Variants in AFF2 observed in about 807,000 individuals in gnomAD.
AFF2 encodes the protein AF4/FMR2 family member 2.
A neutral mutation model predicts 76.9 loss-of-function variants in AFF2; 14 were observed. The ratio of observed to expected loss-of-function variants is 0.18; its 90% confidence interval spans 0.12 to 0.28. AFF2 has a LOEUF of 0.28. AFF2 is among the 10% of genes least tolerant of loss of function. The pLI is 1.00. For missense variants in AFF2, 868 were observed against 1,001.1 expected (o/e 0.87, Z 1.79); for synonymous variants, 398 against 366.7 (o/e 1.09, Z -0.98).
chrX:148,951,412 C>A (rs1287785588), intron 9 of AFF2, among the ~76,000 whole-genome samples: 3 of 111,572 alleles, frequency 2.7e-5, no homozygotes, highest in Non-Finnish European at 5.7e-5. Flanking sequence ...AACCTAGAGT[C>A]TATTTTAGCT....
At chrX:148,626,836 T>C (rs1333282003) in intron 1 of AFF2, among the ~76,000 whole-genome samples, 1 of 111,624 alleles carries the variant, frequency 9.0e-6, no homozygotes, top group Non-Finnish European at 1.9e-5. Flanking sequence ...CTTAATTTAA[T>C]GCGGTGCTAA....
chrX:148,513,896 G>C (rs1052601198), intron 1 of AFF2, among the ~76,000 whole-genome samples: 41 of 110,819 alleles, frequency 3.7e-4, no homozygotes, highest in African/African-American at 1.2e-3. Context: ...TAAATGATAC[G>C]CGAGTCAGGA....
intron 1 of AFF2, among the ~76,000 whole-genome samples, chrX:148,581,370 G>A (rs1557244843): frequency 2.0e-5 from 2 of 100,640 alleles, no homozygotes; most frequent in African/African-American, 7.3e-5. Flanking sequence ...ATACGTATAC[G>A]TGTACACACA....
intron 1 of AFF2, among the ~76,000 whole-genome samples, chrX:148,523,960 C>T (rs781835125): frequency 9.0e-6 from 1 of 111,390 alleles, no homozygotes; most frequent in Admixed American, 9.5e-5. Flanking sequence ...CAAAGTGGCT[C>T]TTAGATGTCG....
rs953067912 is a variant in AFF2, at chrX:148,969,340, G to A, written c.3267+1648G>A. 2.7e-5 allele frequency among the ~76,000 whole-genome samples: 3 copies of A among 112,462 alleles called. No individual in the cohort carries two copies. In the South Asian group the frequency reaches 1.1e-3, roughly 42 times the overall value. On this transcript the variant is annotated intron_variant, in intron 15 of 20. Coordinates refer to ENST00000370460, the MANE Select transcript of AFF2 (RefSeq NM_002025.4). ...GGTGTGACCCTCCAAAGGGCCACAG[G>A]GCATAAAGAGAGAATAAGTATATTT...
chrX:148,688,569 T>C (rs151114963), intron 3 of AFF2, among the ~76,000 whole-genome samples: 1,184 of 111,402 alleles, frequency 0.011, 1 homozygote, highest in Non-Finnish European at 0.018. Context: ...GTGAAATTAA[T>C]TTATCATTGT....
intron 3 of AFF2, among the ~76,000 whole-genome samples, chrX:148,722,792 A>G (rs980974542): frequency 2.7e-5 from 3 of 111,086 alleles, no homozygotes; most frequent in African/African-American, 9.8e-5. Context: ...ATGAACTACC[A>G]CTGTAGCATC....
chrX:148,769,711 A>G (rs1603297763), intron 3 of AFF2, among the ~76,000 whole-genome samples: 2 of 110,902 alleles, frequency 1.8e-5, no homozygotes, highest in Middle Eastern at 9.3e-3. Context: ...GTAGTATGGA[A>G]AATGATGCTT....
intron 3 of AFF2, among the ~76,000 whole-genome samples, chrX:148,787,272 C>A (rs1485178247): frequency 1.8e-5 from 2 of 111,309 alleles, no homozygotes; most frequent in African/African-American, 3.3e-5. Context: ...AGCCAGCCAA[C>A]TTTATGAACC....
chrX:148,577,353 T>C (rs1440615655), intron 1 of AFF2, among the ~76,000 whole-genome samples: 3 of 112,331 alleles, frequency 2.7e-5, no homozygotes, highest in African/African-American at 9.7e-5. Context: ...TATCATCCAG[T>C]CTTCAGTAAT....
chrX:148,703,034 TTTATC>T (rs782582270), intron 3 of AFF2, among the ~76,000 whole-genome samples: 175 of 111,955 alleles, frequency 1.6e-3, no homozygotes, highest in Non-Finnish European at 2.8e-3. Flanking sequence ...ATTCAGTTGT[TTTATC>T]TTATAGTAAA....
chrX:148,899,286 C>A (rs782097707), intron 8 of AFF2, among the ~76,000 whole-genome samples: 34 of 111,967 alleles, frequency 3.0e-4, no homozygotes, highest in African/African-American at 1.0e-3. Flanking sequence ...TATATTTAAG[C>A]AAGTGCTGTC....
intron 3 of AFF2, among the ~76,000 whole-genome samples, chrX:148,693,374 G>A (rs781932295): frequency 3.6e-5 from 4 of 111,981 alleles, no homozygotes; most frequent in Admixed American, 9.4e-5. Flanking sequence ...TCTCCCAGAA[G>A]ATGAAAGAAT....
chrX:148,520,854 C>A (rs1469532883), intron 1 of AFF2, among the ~76,000 whole-genome samples: 3 of 112,283 alleles, frequency 2.7e-5, no homozygotes, highest in Non-Finnish European at 5.6e-5. Flanking sequence ...CAATCTCTTT[C>A]ATTGTGGCTG....
rs200549642 is a variant in AFF2, at chrX:148,581,069, A to G, written c.48-70930A>G. 5.1e-3 allele frequency among the ~76,000 whole-genome samples: 174 copies of G among 34,433 alleles called. 1 individual carries two copies. In the East Asian group the frequency reaches 0.067, roughly 13 times the overall value. 29.9% of individuals were successfully genotyped at this position (34,433 alleles called of 115,157 possible). On this transcript the variant is annotated intron_variant, in intron 1 of 20. Coordinates refer to ENST00000370460, the MANE Select transcript of AFF2 (RefSeq NM_002025.4). ...TATACACATATGTGTATATGTATAT[A>G]TACACACATATATACATATGTGTAT...
chrX:148,604,447 C>G (rs1312638847), intron 1 of AFF2, among the ~76,000 whole-genome samples: 2 of 112,097 alleles, frequency 1.8e-5, no homozygotes, highest in Non-Finnish European at 3.8e-5. Flanking sequence ...GGCTAAAGTG[C>G]AGTGGCACGC....
At chrX:148,565,129 C>G (rs1460092607) in intron 1 of AFF2, among the ~76,000 whole-genome samples, 1 of 111,784 alleles carries the variant, frequency 8.9e-6, no homozygotes, top group African/African-American at 3.3e-5. Context: ...TAGTCTCAAC[C>G]TAGGAAACTG....
intron 4 of AFF2, among the ~76,000 whole-genome samples, chrX:148,819,108 T>G (rs1291456795): frequency 9.0e-6 from 1 of 111,156 alleles, no homozygotes; most frequent in African/African-American, 3.3e-5. Context: ...GCAAGTACTA[T>G]TATCATCCCC....
At chrX:148,676,276 G>A (rs1177144660) in intron 3 of AFF2, among the ~76,000 whole-genome samples, 1 of 110,001 alleles carries the variant, frequency 9.1e-6, no homozygotes, top group African/African-American at 3.3e-5. Context: ...TCGATCTCCT[G>A]ACCTCGTGAT....
Sources: allele counts gnomAD v4.1 joint callset (sites outside exome capture counted in the v4.1 genomes callset), GRCh38; gene constraint gnomAD v4.1.1; transcripts MANE v1.5; gene names NCBI Gene and HGNC (gene_info 2026-07-23, HGNC 2026-07-21).